ARHGAP22: variants seen among roughly 807,000 people sequenced by gnomAD.
ARHGAP22 encodes rho GTPase-activating protein 22.
In ARHGAP22, 48 loss-of-function variants were observed where a neutral mutation model predicts 59.1. The ratio of observed to expected loss-of-function variants is 0.81; its 90% CI spans 0.64 to 1.03. The LOEUF (loss-of-function observed/expected upper bound fraction) is 1.03. Ranked by LOEUF, ARHGAP22 falls within the 50% of genes least tolerant of loss-of-function variation. The pLI, the probability that ARHGAP22 is intolerant of heterozygous loss-of-function variation, is 0.00. For missense variants in ARHGAP22, 1,015 were observed against 958.7 expected (o/e 1.06, Z -0.78); for synonymous variants, 445 against 416.4 (o/e 1.07, Z -0.84).
chr10:48,577,676 A>G (rs1480780965), intron 2 of ARHGAP22, among the ~76,000 whole-genome samples: 1 of 143,044 alleles, frequency 7.0e-6, no homozygotes. Context: ...AGTCCCCATT[A>G]TAAAGGGCTC....
intron 2 of ARHGAP22, chr10:48,575,622 A>G (rs1480420459): frequency 6.6e-6 from 1 of 152,214 alleles, no homozygotes; most frequent in African/African-American, 2.4e-5. Flanking sequence ...TCAATCTTCT[A>G]TGGCTCCTTA....
In ARHGAP22 at chr10:48,450,390, C is replaced by T. The variant is rs1191164250; in HGVS notation, c.1739G>A (p.Ser580Asn). The T allele has an allele frequency of 2.5e-6, 4 of 1,574,056 alleles. No homozygotes were observed. Among genetic ancestry groups the T allele is most frequent in the African/African-American group, 2.7e-5 (2 of 73,892 alleles). The change falls in exon 9 of 10, where the codon AGC becomes AAC. Residue 580 changes from serine to asparagine, a missense_variant. Ser to Asn is a conservative substitution (Grantham distance 46). Transcript: ENST00000249601. ...MDEAGAGASN[S>N]EPSEPDSPTR... is the part of the protein sequence containing the mutation. ...GGGGCTGTCCGGCTCGCTGGGCTCG[C>T]TGTTGCTGGCACCCGCGCCCGCCTC...
chr10:48,530,379 A>T (rs2054725165), intron 3 of ARHGAP22, among the ~76,000 whole-genome samples: 1 of 152,200 alleles, frequency 6.6e-6, no homozygotes, highest in Non-Finnish European at 1.5e-5. Flanking sequence ...ATGACCAAAA[A>T]CCCAAAAGCA....
At chr10:48,496,476 T>C (rs934439185) in intron 3 of ARHGAP22, among the ~76,000 whole-genome samples, 6 of 152,194 alleles carry the variant, frequency 3.9e-5, no homozygotes, top group African/African-American at 1.2e-4. Context: ...AAACTGAGGC[T>C]CAGAGAGATG....
chr10:48,595,007 C>T (rs1327315939), intron 1 of ARHGAP22, among the ~76,000 whole-genome samples: 1 of 151,924 alleles, frequency 6.6e-6, no homozygotes, highest in African/African-American at 2.4e-5. Flanking sequence ...TTTTCAGGAC[C>T]TTTTGAATAG....
At chr10:48,433,322 A>T in the ARHGAP22 span, among the ~76,000 whole-genome samples, 1 of 152,212 alleles carries the variant, frequency 6.6e-6, no homozygotes, top group Non-Finnish European at 1.5e-5. Context: ...CATATATAAA[A>T]ATTGTATATG....
intron 1 of ARHGAP22, among the ~76,000 whole-genome samples, chr10:48,635,042 G>A (rs1288015988): frequency 6.6e-6 from 1 of 152,088 alleles, no homozygotes; most frequent in Non-Finnish European, 1.5e-5. Context: ...AAAGCCCTGG[G>A]GCCCGAGGTG....
downstream of ARHGAP22, among the ~76,000 whole-genome samples, chr10:48,442,414 C>T (rs1324933250): frequency 6.6e-6 from 1 of 152,240 alleles, no homozygotes; most frequent in Admixed American, 6.5e-5. Context: ...GCATCTGTCT[C>T]TCATGTCTCC....
chr10:48,500,704 A>G (rs753293317), intron 3 of ARHGAP22, among the ~76,000 whole-genome samples: 6 of 152,072 alleles, frequency 3.9e-5, no homozygotes, highest in Non-Finnish European at 7.4e-5. Context: ...CCTGGCTAAC[A>G]TGGTGAAAAA....
intron 2 of ARHGAP22, among the ~76,000 whole-genome samples, chr10:48,579,225 T>C (rs1239795202): frequency 6.6e-6 from 1 of 152,204 alleles, no homozygotes; most frequent in African/African-American, 2.4e-5. Context: ...TCCATTTCAA[T>C]TCAAAGCCAA....
At chr10:48,586,836 C>G (rs569987860) in intron 1 of ARHGAP22, among the ~76,000 whole-genome samples, 1 of 152,326 alleles carries the variant, frequency 6.6e-6, no homozygotes, top group Non-Finnish European at 1.5e-5. Context: ...TTGCCCACAG[C>G]AGGAGGAGCA....
chr10:48,515,832 G>C (rs1425385334), intron 3 of ARHGAP22, among the ~76,000 whole-genome samples: 1 of 152,130 alleles, frequency 6.6e-6, no homozygotes, highest in East Asian at 1.9e-4. Context: ...TACTCAAGAA[G>C]CTGATCATAG....
intron 3 of ARHGAP22, among the ~76,000 whole-genome samples, chr10:48,533,169 C>G (rs936380294): frequency 6.7e-6 from 1 of 150,024 alleles, no homozygotes; most frequent in Non-Finnish European, 1.5e-5. Context: ...TTTGCAGACT[C>G]ATTGTTCTGT....
In ARHGAP22 at chr10:48,453,323, G is replaced by A. The variant is rs1388096028; in HGVS notation, c.969C>T (p.Asp323=). Residue 323 remains aspartate (D), a synonymous_variant, in exon 8 of 10, where the codon GAC becomes GAT. Transcript: ENST00000249601. Reference sequence around the variant, plus strand: ...ACTTACCTTCCATGATGGTTACTGGGTCCTCTACCTGTGGCCGCAGAATGT... The same window carrying A: ...ACTTACCTTCCATGATGGTTACTGGATCCTCTACCTGTGGCCGCAGAATGT... ...GPNILRPQVE[D]PVTIMEGTSL... is the part of the protein sequence containing the mutation. The A allele has an allele frequency of 1.9e-6, 3 of 1,613,908 alleles. No individual in the cohort carries two copies. In the Admixed American group the frequency reaches 5.0e-5, roughly 27 times the overall value.
intron 3 of ARHGAP22, among the ~76,000 whole-genome samples, chr10:48,528,147 C>A (rs1444038392): frequency 2.0e-5 from 3 of 152,162 alleles, no homozygotes; most frequent in Non-Finnish European, 4.4e-5. Context: ...GCAGCCTGAG[C>A]CCCTGGTCCC....
At chr10:48,573,690 TA>T (rs2058536212) in intron 2 of ARHGAP22, among the ~76,000 whole-genome samples, 1 of 152,242 alleles carries the variant, frequency 6.6e-6, no homozygotes, top group Admixed American at 6.5e-5. Context: ...TCTGAGTGTT[TA>T]GGCAGCATTG....
chr10:48,476,831 G>T (rs1230024029), intron 4 of ARHGAP22, among the ~76,000 whole-genome samples: 1 of 152,188 alleles, frequency 6.6e-6, no homozygotes, highest in Admixed American at 6.5e-5. Flanking sequence ...GCAGGTCTTG[G>T]TGCAGCTCTT....
intron 3 of ARHGAP22, among the ~76,000 whole-genome samples, chr10:48,508,624 C>T (rs1001342017): frequency 2.6e-5 from 4 of 152,228 alleles, no homozygotes; most frequent in Non-Finnish European, 5.9e-5. Context: ...AGTCATCAAA[C>T]CCTTTGAACA....
chr10:48,459,559 TAGGAGGGCTGGCCCACC>T lies in ARHGAP22; in HGVS notation c.659+108_659+124del, dbSNP rs2046934948. Reference sequence around the variant, plus strand: ...AGGGTGTGCCCTACACTCTGCCCACTAGGAGGGCTGGCCCACCATCCTGTCGCTAGCCCACCCCTGCC... The same window carrying T: ...AGGGTGTGCCCTACACTCTGCCCACTATCCTGTCGCTAGCCCACCCCTGCC... On this transcript the variant is annotated intron_variant, in intron 5 of 9. Coordinates refer to ENST00000249601, the MANE Select transcript of ARHGAP22 (RefSeq NM_021226.4). 6 of 1,111,714 alleles carry T rather than the reference TAGGAGGGCTGGCCCACC, an allele frequency of 5.4e-6. No homozygotes were observed. In the South Asian group the frequency reaches 8.3e-5, roughly 15 times the overall value. The allele number at this position is 1,111,714 out of a possible 1,614,324, so 68.9% of individuals were successfully genotyped here.
Sources: gnomAD v4.1 joint callset for allele counts (sites outside exome capture counted in the v4.1 genomes callset) on GRCh38, gnomAD v4.1.1 for gene constraint, MANE v1.5 for transcripts, NCBI Gene and HGNC (gene_info 2026-07-23, HGNC 2026-07-21) for gene names.